The following COBL variants were observed in gnomAD, a reference collection of about 807,000 sequenced individuals.
The protein encoded by COBL is cordon-bleu WH2 repeat protein.
COBL carries 51 observed loss-of-function variants against 98.8 expected under a neutral mutation model. The ratio of observed to expected loss-of-function variants is 0.52; its 90% CI spans 0.41 to 0.65. The LOEUF (loss-of-function observed/expected upper bound fraction) is 0.65, where lower values mean the gene tolerates loss of function less well. COBL is among the 30% of genes least tolerant of loss of function. The pLI is 0.00. For missense variants in COBL, 1,617 were observed against 1,617.5 expected, an observed-to-expected ratio of 1.00 and a Z score of 0.01; for synonymous variants, 634 against 651.7, an observed-to-expected ratio of 0.97 and a Z score of 0.41.
chr7:51,111,593 C>T (rs1562926718), intron 6 of COBL, among the ~76,000 whole-genome samples: 1 of 152,186 alleles, frequency 6.6e-6, no homozygotes, highest in South Asian at 2.1e-4. Flanking sequence ...CTGAACTGTC[C>T]TGTCCTCACG....
chr7:51,174,617 G>A (rs1204500392), intron 5 of COBL, among the ~76,000 whole-genome samples: 1 of 151,992 alleles, frequency 6.6e-6, no homozygotes, highest in African/African-American at 2.4e-5. Flanking sequence ...TGATGCCAAG[G>A]AGCCATAAAA....
chr7:51,085,560 C>T (rs1362680763), intron 6 of COBL, among the ~76,000 whole-genome samples: 3 of 152,176 alleles, frequency 2.0e-5, no homozygotes, highest in Non-Finnish European at 2.9e-5. Context: ...CCAAAGACCC[C>T]TATGAGCAGG....
At chr7:51,156,296 C>T (rs1206339244) in intron 5 of COBL, 12 of 985,216 alleles carry the variant, frequency 1.2e-5, no homozygotes, top group Non-Finnish European at 1.4e-5. Flanking sequence ...TTTTTTATCT[C>T]CCCATGATGT....
At chr7:51,164,787 A>C (rs549243943) in intron 5 of COBL, among the ~76,000 whole-genome samples, 106 of 152,170 alleles carry the variant, frequency 7.0e-4, no homozygotes, top group Non-Finnish European at 1.2e-3. Context: ...TGAATCAATC[A>C]AAAATGATAA....
chr7:51,107,771 C>T (rs1023997070), intron 6 of COBL, among the ~76,000 whole-genome samples: 2 of 152,138 alleles, frequency 1.3e-5, no homozygotes, highest in South Asian at 2.1e-4. Flanking sequence ...ACAGGATCCA[C>T]CTCACAGTCC....
chr7:51,081,416 C>T (rs1029354757), intron 7 of COBL, among the ~76,000 whole-genome samples: 9 of 152,196 alleles, frequency 5.9e-5, no homozygotes, highest in African/African-American at 9.7e-5. Context: ...GTTTTCTCTC[C>T]GCCACTTCGC....
intron 8 of COBL, chr7:51,033,510 C>T (rs1309919361): frequency 1.3e-5 from 2 of 152,248 alleles, no homozygotes; most frequent in Admixed American, 1.3e-4. Flanking sequence ...GTGAAGAAAT[C>T]AGCACACACA....
chr7:51,215,145 T>C (rs913261232), intron 2 of COBL, among the ~76,000 whole-genome samples: 4 of 152,152 alleles, frequency 2.6e-5, no homozygotes, highest in Non-Finnish European at 4.4e-5. Context: ...CCATGAGACC[T>C]CCCTTACGTA....
chr7:51,122,200 C>T (rs1411132140), intron 6 of COBL, among the ~76,000 whole-genome samples: 1 of 152,310 alleles, frequency 6.6e-6, no homozygotes, highest in East Asian at 1.9e-4. Flanking sequence ...AGAGAGGAAA[C>T]GATCCACAAA....
chr7:51,302,273 T>C (rs1041036090), intron 1 of COBL, among the ~76,000 whole-genome samples: 1 of 152,144 alleles, frequency 6.6e-6, no homozygotes, highest in Non-Finnish European at 1.5e-5. Flanking sequence ...AGACCATTAA[T>C]TTTTTTCCTA....
chr7:51,043,804 G>A, intron 7 of COBL, 112 bp from the exon 8 acceptor site: 1 of 846,594 alleles, frequency 1.2e-6, no homozygotes, highest in Non-Finnish European at 1.8e-6. Context: ...GATTCAGGGT[G>A]CTCAAAGTAA....
chr7:51,214,853 T>C (rs1285714368), intron 2 of COBL, among the ~76,000 whole-genome samples: 1 of 152,182 alleles, frequency 6.6e-6, no homozygotes, highest in Non-Finnish European at 1.5e-5. Context: ...GCAGTCTTGT[T>C]TGAGATCGGT....
At chr7:51,146,993 G>C (rs942807081) in intron 5 of COBL, among the ~76,000 whole-genome samples, 2 of 152,182 alleles carry the variant, frequency 1.3e-5, no homozygotes, top group African/African-American at 4.8e-5. Flanking sequence ...AGCCAGCAGG[G>C]GGTTGCTCAT....
chr7:51,151,510 A>G (rs1424592869), intron 5 of COBL, among the ~76,000 whole-genome samples: 2 of 152,228 alleles, frequency 1.3e-5, no homozygotes, highest in African/African-American at 4.8e-5. Flanking sequence ...AGAATGTAGA[A>G]GAAGGTGAAA....
intron 8 of COBL, among the ~76,000 whole-genome samples, chr7:51,041,614 G>T (rs1789206880): frequency 1.3e-5 from 2 of 149,936 alleles, no homozygotes; most frequent in Admixed American, 1.3e-4. Flanking sequence ...CTCCCAAGCA[G>T]CTGGGACTAC....
At chr7:51,295,156 G>A (rs1309560421) in intron 1 of COBL, among the ~76,000 whole-genome samples, 1 of 151,608 alleles carries the variant, frequency 6.6e-6, no homozygotes, top group East Asian at 1.9e-4. Context: ...CATGATGGCA[G>A]ATGCCTGTAA....
chr7:51,087,499 T>C (rs1794391060), intron 6 of COBL, among the ~76,000 whole-genome samples: 1 of 152,048 alleles, frequency 6.6e-6, no homozygotes, highest in African/African-American at 2.4e-5. Context: ...TTGGTTGTTG[T>C]TGTTGCTTGT....
chr7:51,259,443 G>A, intron 1 of COBL: 1 of 512,484 alleles, frequency 2.0e-6, no homozygotes, highest in South Asian at 2.0e-5. Context: ...TTCAGCTGGT[G>A]GATGAGCTGA....
chr7:51,017,384 C>T lies in COBL; in HGVS notation c.*167G>A. 1.5e-6 allele frequency: 1 copy of T among 682,266 alleles called. No individual in the cohort carries two copies. Among genetic ancestry groups the T allele is most frequent in the East Asian group, 2.6e-5 (1 of 38,440 alleles). 42.3% of individuals were successfully genotyped at this position (682,266 alleles called of 1,614,324 possible). ...GCAGCGACACAGCATCTTCTCCTTT[C>T]CTTTCAAGCCGTTATACAGGAACAC... is the stretch of plus-strand genomic sequence containing the variant. On this transcript the variant is annotated 3_prime_UTR_variant, in exon 13 of 13. Coordinates refer to ENST00000265136, the MANE Select transcript of COBL (RefSeq NM_015198.5).
Sources: gnomAD v4.1 joint callset for allele counts (sites outside exome capture counted in the v4.1 genomes callset) on GRCh38, gnomAD v4.1.1 for gene constraint, MANE v1.5 for transcripts, NCBI Gene and HGNC (gene_info 2026-07-23, HGNC 2026-07-21) for gene names.